FMNL2: variants seen among roughly 807,000 people sequenced by gnomAD.
The protein encoded by FMNL2 is formin-like protein 2.
In FMNL2, 51 loss-of-function variants were observed where a neutral mutation model predicts 130.2. The ratio of observed to expected loss-of-function variants is 0.39; its 90% CI spans 0.31 to 0.49. FMNL2 has a LOEUF of 0.49. FMNL2 is among the 20% of genes least tolerant of loss of function. The pLI, the probability that FMNL2 is intolerant of heterozygous loss-of-function variation, is 0.85. For synonymous variants in FMNL2, 465 were observed against 467.1 expected (o/e 1.00, Z 0.06); for missense variants, 977 against 1,316.2 (o/e 0.74, Z 3.99).
chr2:152,639,412 A>T (rs1682897313), intron 23 of FMNL2, among the ~76,000 whole-genome samples: 1 of 152,166 alleles, frequency 6.6e-6, no homozygotes, highest in South Asian at 2.1e-4. Context: ...AGTGCCCAAG[A>T]GGGCTGAGCT....
rs573953204 is a variant in FMNL2, at chr2:152,565,435, G to A, written c.596+4400G>A. 8.1e-4 allele frequency among the ~76,000 whole-genome samples: 123 copies of A among 152,250 alleles called. 1 individual carries two copies. The highest frequency in any genetic ancestry group is 2.8e-3 in the African/African-American group (116 of 41,548). On this transcript the variant is annotated intron_variant, in intron 6 of 25. Coordinates refer to ENST00000288670, the MANE Select transcript of FMNL2 (RefSeq NM_052905.4). ...AATGAGAGAAGAACCTGTCCTTTCA[G>A]GAACAGGTGCTTTGTGATGGAGGTG...
At position 152,546,946 on chromosome 2, in the gene FMNL2, C is replaced by CTT. The variant is rs34129916; in HGVS notation, c.283-2059_283-2058dup. ...CCATCCTGCATTACTTGCCCCCATT[C>CTT]TTTTTTTTTTTTTTTTTGAGATGGA... On this transcript the variant is annotated intron_variant, in intron 3 of 25. Transcript: ENST00000288670. 6.6e-4 allele frequency among the ~76,000 whole-genome samples: 90 copies of CTT among 135,746 alleles called. 1 individual carries two copies. Among genetic ancestry groups the CTT allele is most frequent in the Admixed American group, 1.1e-3 (14 of 13,026 alleles). The allele number at this position is 135,746 out of a possible 152,430, so 89.1% of individuals were successfully genotyped here.
chr2:152,342,097 C>T (rs1465778197), intron 1 of FMNL2, among the ~76,000 whole-genome samples: 1 of 152,114 alleles, frequency 6.6e-6, no homozygotes, highest in East Asian at 1.9e-4. Flanking sequence ...TACGTATGGG[C>T]TGATGTTTGT....
At chr2:152,437,765 C>G (rs1382071426) in intron 1 of FMNL2, among the ~76,000 whole-genome samples, 1 of 152,146 alleles carries the variant, frequency 6.6e-6, no homozygotes, top group East Asian at 1.9e-4. Context: ...ACAGTAGTCC[C>G]CCTCTTGGGC....
At chr2:152,463,095 C>A (rs554060959) in intron 1 of FMNL2, among the ~76,000 whole-genome samples, 5 of 152,242 alleles carry the variant, frequency 3.3e-5, no homozygotes, top group Non-Finnish European at 5.9e-5. Flanking sequence ...GTTAGCACGT[C>A]GGATTTCTAG....
chr2:152,455,292 C>T (rs993019412), intron 1 of FMNL2, among the ~76,000 whole-genome samples: 4 of 152,052 alleles, frequency 2.6e-5, no homozygotes, highest in African/African-American at 9.7e-5. Context: ...AGGATCAAGG[C>T]CTCGAGGAGA....
At chr2:152,382,344 A>C (rs16831021) in intron 1 of FMNL2, among the ~76,000 whole-genome samples, 2 of 152,098 alleles carry the variant, frequency 1.3e-5, no homozygotes, top group Non-Finnish European at 2.9e-5. Flanking sequence ...AGGAAAGCGC[A>C]TGTGTCTTTG....
At chr2:152,470,983 GCTAA>G (rs1366097925) in intron 1 of FMNL2, among the ~76,000 whole-genome samples, 2 of 152,152 alleles carry the variant, frequency 1.3e-5, no homozygotes, top group Admixed American at 6.5e-5. Flanking sequence ...CCTACCACCA[GCTAA>G]CTGTCATTGC....
chr2:152,389,172 AAC>A (rs1684957981), intron 1 of FMNL2, among the ~76,000 whole-genome samples: 2 of 152,140 alleles, frequency 1.3e-5, no homozygotes, highest in Admixed American at 1.3e-4. Flanking sequence ...GCTGTACAGT[AAC>A]AGAGTACTAT....
At chr2:152,342,190 G>A (rs1055476550) in intron 1 of FMNL2, among the ~76,000 whole-genome samples, 1 of 152,184 alleles carries the variant, frequency 6.6e-6, no homozygotes, top group Non-Finnish European at 1.5e-5. Flanking sequence ...TTCATATTTA[G>A]AGCTTGGGGA....
intron 6 of FMNL2, among the ~76,000 whole-genome samples, chr2:152,561,575 CTT>C (rs139322536): frequency 0.76 from 106,623 of 140,088 alleles, 40,415 homozygotes; most frequent in African/African-American, 0.84. Flanking sequence ...ACTTGTCAAC[CTT>C]TTTTTTTTTT....
chr2:152,532,711 G>T (rs987181470), intron 2 of FMNL2, among the ~76,000 whole-genome samples: 1 of 151,018 alleles, frequency 6.6e-6, no homozygotes, highest in Non-Finnish European at 1.5e-5. Flanking sequence ...GGGTTCAAGC[G>T]ATTCTCCTGC....
intron 1 of FMNL2, among the ~76,000 whole-genome samples, chr2:152,399,407 G>C (rs1233992644): frequency 1.3e-5 from 2 of 152,192 alleles, no homozygotes; most frequent in African/African-American, 4.8e-5. Context: ...AATAGATGCT[G>C]GTCCCTCTGG....
intron 1 of FMNL2, among the ~76,000 whole-genome samples, chr2:152,494,483 TTG>T (rs1467642473): frequency 6.6e-6 from 1 of 152,210 alleles, no homozygotes; most frequent in Non-Finnish European, 1.5e-5. Context: ...TGATATGTGA[TTG>T]TGTTTTTCCT....
intron 9 of FMNL2, among the ~76,000 whole-genome samples, chr2:152,587,488 A>G (rs1459291875): frequency 1.3e-5 from 2 of 152,284 alleles, no homozygotes; most frequent in Non-Finnish European, 2.9e-5. Flanking sequence ...ACTCAATCCA[A>G]TACTTGGTTT....
chr2:152,490,568 A>AGT (rs1208283542), intron 1 of FMNL2, among the ~76,000 whole-genome samples: 1 of 35,368 alleles, frequency 2.8e-5, no homozygotes, highest in Non-Finnish European at 6.9e-5. Context: ...TTTGCTATCC[A>AGT]ATGTGTGTGT....
At chr2:152,336,467 C>T (rs62179528) in intron 1 of FMNL2, among the ~76,000 whole-genome samples, 5,593 of 152,292 alleles carry the variant, frequency 0.037, 160 homozygotes, top group Non-Finnish European at 0.06. Context: ...GGCGACCCCT[C>T]CCCTCCTCTT....
chr2:152,345,478 C>T (rs926744986), intron 1 of FMNL2, among the ~76,000 whole-genome samples: 1 of 152,190 alleles, frequency 6.6e-6, no homozygotes, highest in Non-Finnish European at 1.5e-5. Context: ...GAGTTCAGTA[C>T]TGCTAAATGT....
chr2:152,383,273 CTTT>C (rs35206829), intron 1 of FMNL2, among the ~76,000 whole-genome samples: 1 of 97,620 alleles, frequency 1.0e-5, no homozygotes, highest in Non-Finnish European at 2.0e-5. Context: ...TCCGTTAATC[CTTT>C]TTTTTTTTTT....
Sources: gnomAD v4.1 joint callset for allele counts (sites outside exome capture counted in the v4.1 genomes callset) on GRCh38, gnomAD v4.1.1 for gene constraint, MANE v1.5 for transcripts, NCBI Gene and HGNC (gene_info 2026-07-23, HGNC 2026-07-21) for gene names.